Variants in TJP1 observed in about 807,000 individuals in gnomAD.
The protein encoded by TJP1 is tight junction protein ZO-1.
A neutral mutation model predicts 194.2 loss-of-function variants in TJP1; 43 were observed. The ratio of observed to expected loss-of-function variants is 0.22; its 90% CI spans 0.17 to 0.29. TJP1 has a LOEUF of 0.29. TJP1 is among the 10% of genes least tolerant of loss of function. The pLI is 1.00. For missense variants in TJP1, 1,971 were observed against 2,185.7 expected, an observed-to-expected ratio of 0.90 and a Z score of 1.96; for synonymous variants, 801 against 779.0, an observed-to-expected ratio of 1.03 and a Z score of -0.47.
At chr15:29,717,688 A>G (rs1293890227) in intron 22 of TJP1, among the ~76,000 whole-genome samples, 5 of 152,244 alleles carry the variant, frequency 3.3e-5, no homozygotes, top group African/African-American at 1.2e-4. Context: ...TCACCACTGG[A>G]AACTAAGAGT....
intron 1 of TJP1, among the ~76,000 whole-genome samples, chr15:29,807,072 A>T (rs188415263): frequency 7.9e-5 from 12 of 152,212 alleles, no homozygotes; most frequent in African/African-American, 2.9e-4. Flanking sequence ...TTAGCATCCA[A>T]CACCCCACTG....
chr15:29,952,403 C>G (rs78200098), intron 2 of TJP1, among the ~76,000 whole-genome samples: 2,771 of 152,164 alleles, frequency 0.018, 76 homozygotes, highest in African/African-American at 0.057. Flanking sequence ...AACTAGAATG[C>G]CCATCCCATT....
intron 2 of TJP1, among the ~76,000 whole-genome samples, chr15:29,938,795 G>T (rs146474910): frequency 6.6e-6 from 1 of 152,176 alleles, no homozygotes; most frequent in African/African-American, 2.4e-5. Context: ...GTAGAGTTAT[G>T]GTGGGCAAGA....
At chr15:29,820,569 T>G in intron 1 of TJP1, 1 of 716,804 alleles carries the variant, frequency 1.4e-6, no homozygotes, top group East Asian at 2.7e-5. Flanking sequence ...TCTCCATACT[T>G]GAAATAACCT....
intron 2 of TJP1, among the ~76,000 whole-genome samples, chr15:29,938,614 T>G (rs1470086238): frequency 6.6e-6 from 1 of 152,210 alleles, no homozygotes; most frequent in Non-Finnish European, 1.5e-5. Context: ...GTTCTTGGTA[T>G]ATAAATCACC....
intron 2 of TJP1, among the ~76,000 whole-genome samples, chr15:29,794,234 G>C (rs942230203): frequency 6.6e-6 from 1 of 152,258 alleles, no homozygotes; most frequent in Middle Eastern, 3.4e-3. Flanking sequence ...TGAGGACTTT[G>C]ATTTTGTCAT....
chr15:29,949,663 CACA>C (rs2055545821), intron 2 of TJP1, among the ~76,000 whole-genome samples: 27 of 111,358 alleles, frequency 2.4e-4, no homozygotes, highest in African/African-American at 7.3e-4. Flanking sequence ...CCTCCACCTC[CACA>C]ACCACCACCT....
chr15:29,839,911 G>A (rs563636929), intron 2 of TJP1, among the ~76,000 whole-genome samples: 57 of 152,210 alleles, frequency 3.7e-4, no homozygotes, highest in African/African-American at 1.3e-3. Context: ...AACATATGAT[G>A]TTTTCACTAT....
chr15:29,710,851 G>C lies in TJP1; in HGVS notation c.4352C>G (p.Ser1451Cys), dbSNP rs1372440137. The C allele has an allele frequency of 6.2e-7, 1 of 1,614,040 alleles. No individual in the cohort carries two copies. Among genetic ancestry groups the C allele is most frequent in the South Asian group, 1.1e-5 (1 of 91,076 alleles). ...CCTACCTTCACCATGTGCTCCCTTA[G>C]AATGTATGTGGAGAGACGCGCTGGT... ...PVTSASLHIHSKGAHGEGNSV... is the reference protein window; with the variant it reads ...PVTSASLHIHCKGAHGEGNSV... Residue 1451 changes from serine (S) to cysteine (C), a missense_variant, in exon 24 of 28, where the codon TCT (serine) becomes TGT (cysteine). By Grantham distance (112) the Ser-to-Cys change is moderately radical (BLOSUM62 -1). This residue lies in a region of TJP1 where 1,108 missense variants were observed against 1,128.5 expected (regional missense o/e 0.98). Transcript: ENST00000614355.
At chr15:29,768,391 T>C (rs1027324218) in intron 4 of TJP1, among the ~76,000 whole-genome samples, 1 of 152,242 alleles carries the variant, frequency 6.6e-6, no homozygotes, top group Admixed American at 6.5e-5. Flanking sequence ...CTCACTTCTA[T>C]TTAATTTCCA....
intron 1 of TJP1, among the ~76,000 whole-genome samples, chr15:29,802,901 C>CT (rs1477197711): frequency 2.0e-5 from 3 of 152,182 alleles, no homozygotes; most frequent in African/African-American, 7.2e-5. Flanking sequence ...ATAACATACT[C>CT]TATGGTATGA....
At chr15:29,929,827 C>G (rs934193346) in intron 2 of TJP1, among the ~76,000 whole-genome samples, 1 of 151,424 alleles carries the variant, frequency 6.6e-6, no homozygotes. Flanking sequence ...ATTTTTAAAA[C>G]AGCAGCAAAA....
At chr15:29,777,525 A>T (rs182473966) in intron 2 of TJP1, among the ~76,000 whole-genome samples, 267 of 152,296 alleles carry the variant, frequency 1.8e-3, no homozygotes, top group African/African-American at 5.8e-3. Flanking sequence ...TTTACAAAAG[A>T]TATATGAGAT....
In TJP1 at chr15:29,727,857, TCTA is replaced by T. The variant is rs1323035202; in HGVS notation, c.2100+77_2100+79del. 4 of 1,211,104 alleles carry T rather than the reference TCTA, an allele frequency of 3.3e-6. No individual in the cohort carries two copies. The African/African-American group carries it at 6.0e-5, about 18-fold the overall frequency. The allele number at this position is 1,211,104 out of a possible 1,614,324, so 75.0% of individuals were successfully genotyped here. On this transcript the variant is annotated intron_variant, in intron 16 of 27. Transcript: ENST00000614355. ...AGTAATAGTCTCAGAAAAACTACCT[TCTA>T]CTTTCAAATTAACCAAATCCCATCC...
intron 1 of TJP1, among the ~76,000 whole-genome samples, chr15:29,817,273 C>G (rs1567089614): frequency 1.3e-5 from 2 of 152,130 alleles, no homozygotes; most frequent in East Asian, 3.8e-4. Flanking sequence ...AAATCAAAAC[C>G]ACAATGAGAT....
At chr15:29,720,949 T>TA (rs1437549940) in intron 18 of TJP1, among the ~76,000 whole-genome samples, 3 of 152,094 alleles carry the variant, frequency 2.0e-5, no homozygotes, top group East Asian at 1.9e-4. Flanking sequence ...AGGACAAAGT[T>TA]AGACTCCAGG....
intron 2 of TJP1, among the ~76,000 whole-genome samples, chr15:29,785,443 C>T (rs978647465): frequency 2.0e-5 from 3 of 152,092 alleles, no homozygotes; most frequent in African/African-American, 7.2e-5. Context: ...TACAATCTGG[C>T]CTTTCACACA....
At chr15:29,762,851 C>G (rs2046094824) in intron 5 of TJP1, among the ~76,000 whole-genome samples, 1 of 152,202 alleles carries the variant, frequency 6.6e-6, no homozygotes, top group Non-Finnish European at 1.5e-5. Context: ...CCTCCTGCCT[C>G]AGGCTCCAGA....
At chr15:29,722,198 G>A (rs1312705713) in intron 18 of TJP1, among the ~76,000 whole-genome samples, 1 of 152,190 alleles carries the variant, frequency 6.6e-6, no homozygotes, top group African/African-American at 2.4e-5. Context: ...AACAATGGGG[G>A]AAAATGTCTC....
Sources: allele counts gnomAD v4.1 joint callset (sites outside exome capture counted in the v4.1 genomes callset), GRCh38; gene constraint gnomAD v4.1.1; regional missense constraint gnomAD v4.1.1; transcripts MANE v1.5; gene names NCBI Gene and HGNC (gene_info 2026-07-23, HGNC 2026-07-21).